SVOPL: variants seen among roughly 807,000 people sequenced by gnomAD.
SVOPL encodes the protein SVOP like, also known as putative transporter SVOPL.
SVOPL carries 60 observed loss-of-function variants against 61.0 expected under a neutral mutation model. That is an observed-to-expected ratio of 0.98 (90% CI 0.80 to 1.22). The LOEUF is 1.22. SVOPL is among the 50% of genes most tolerant of loss of function. SVOPL has a pLI of 0.00. For synonymous variants in SVOPL, 279 were observed against 250.0 expected (o/e 1.12, Z -1.09); for missense variants, 662 against 643.9 (o/e 1.03, Z -0.30).
At chr7:138,676,028 G>A (rs1038879495) in intron 3 of SVOPL, among the ~76,000 whole-genome samples, 4 of 152,104 alleles carry the variant, frequency 2.6e-5, no homozygotes, top group Non-Finnish European at 5.9e-5. Flanking sequence ...TAGAAATAGG[G>A]TTTCACTATG....
intron 9 of SVOPL, among the ~76,000 whole-genome samples, chr7:138,642,249 GAACAA>G (rs1230975364): frequency 1.4e-5 from 1 of 73,450 alleles, no homozygotes; most frequent in Non-Finnish European, 2.7e-5. Context: ...CAACAAGCTA[GAACAA>G]AAAAAGTCAA....
chr7:138,661,903 C>T, intron 5 of SVOPL: 1 of 985,412 alleles, frequency 1.0e-6, no homozygotes, highest in East Asian at 1.1e-4. Context: ...ATATTTCTGG[C>T]ATAGCTGGCA....
intron 4 of SVOPL, chr7:138,663,550 T>C: frequency 2.0e-6 from 2 of 996,616 alleles, no homozygotes; most frequent in Non-Finnish European, 2.4e-6. Flanking sequence ...CAAATAGACA[T>C]AACTTTAAAC....
chr7:138,678,212 T>C (rs984911257), intron 3 of SVOPL, among the ~76,000 whole-genome samples: 2 of 151,824 alleles, frequency 1.3e-5, no homozygotes, highest in African/African-American at 4.9e-5. Context: ...TGAATTTGAA[T>C]TGTCCCGCCT....
At chr7:138,662,898 C>T in intron 5 of SVOPL, 176 bp downstream of exon 5, 1 of 1,441,620 alleles carries the variant, frequency 6.9e-7, no homozygotes, top group Non-Finnish European at 9.1e-7. Context: ...GCACAGGTAC[C>T]CTGAGAAAAA....
chr7:138,637,550 A>C (rs1286243753), intron 9 of SVOPL, among the ~76,000 whole-genome samples: 8 of 150,532 alleles, frequency 5.3e-5, no homozygotes, highest in East Asian at 1.9e-4. Context: ...ACACACACAC[A>C]CCCCCCAGAG....
chr7:138,604,677 CA>C (rs5887890), intron 14 of SVOPL, among the ~76,000 whole-genome samples: 15,373 of 58,510 alleles, frequency 0.26, 952 homozygotes, highest in East Asian at 0.39. Flanking sequence ...AACTTTATCT[CA>C]AAAAAAAAAA....
intron 9 of SVOPL, among the ~76,000 whole-genome samples, chr7:138,640,898 C>T (rs1158903887): frequency 6.6e-6 from 1 of 152,024 alleles, no homozygotes; most frequent in Admixed American, 6.6e-5. Context: ...CACATGTACC[C>T]CCTGAATCTA....
rs1329377977 is a variant in SVOPL, at chr7:138,656,381, G to T, written c.534+67C>A. 10 of 1,484,646 alleles carry T rather than the reference G, an allele frequency of 6.7e-6. No homozygotes were observed. The Admixed American group carries it at 1.2e-4, about 18-fold the overall frequency. 92.0% of individuals were successfully genotyped at this position (1,484,646 alleles called of 1,614,324 possible). A position where few individuals can be genotyped will look rare whatever the true frequency, so the allele number is the denominator to read the frequency against. On this transcript the variant is annotated intron_variant, in intron 7 of 15. Transcript: ENST00000674285. ...GTACCAAACCAGCAGTATTTCCAAGGTATGCCTATATGTACATCTTATCCC... is the reference window on the plus strand; with the variant it reads ...GTACCAAACCAGCAGTATTTCCAAGTTATGCCTATATGTACATCTTATCCC...
At chr7:138,674,612 T>A (rs559640501) in intron 3 of SVOPL, among the ~76,000 whole-genome samples, 2 of 152,086 alleles carry the variant, frequency 1.3e-5, no homozygotes, top group East Asian at 3.9e-4. Flanking sequence ...ATCCCAGCAC[T>A]TTGGGAGGCC....
intron 3 of SVOPL, among the ~76,000 whole-genome samples, chr7:138,672,656 T>TTAAAAAAAAAAAAAAAAAAA: frequency 8.4e-6 from 1 of 118,858 alleles, no homozygotes; most frequent in Non-Finnish European, 1.7e-5. Context: ...TTTTTGTGTT[T>TTAAAAAAAAAAAAAAAAAAA]AAAAAAAAAA....
At chr7:138,625,794 A>G (rs1799864704) in intron 13 of SVOPL, among the ~76,000 whole-genome samples, 175 bp downstream of exon 13, 2 of 152,232 alleles carry the variant, frequency 1.3e-5, no homozygotes, top group African/African-American at 4.8e-5. Context: ...CTTTCAATAG[A>G]CTGAGTGGGG....
chr7:138,656,796 A>G (rs1801759223), intron 6 of SVOPL, among the ~76,000 whole-genome samples: 1 of 152,162 alleles, frequency 6.6e-6, no homozygotes, highest in African/African-American at 2.4e-5. Context: ...TAATCTCTGC[A>G]CTTTGGGAGG....
intron 3 of SVOPL, among the ~76,000 whole-genome samples, chr7:138,672,641 GTTT>G (rs11462058): frequency 9.6e-6 from 1 of 104,396 alleles, no homozygotes; most frequent in Admixed American, 9.5e-5. Context: ...GCAGGAAAGT[GTTT>G]TTTTTTGTGT....
intron 9 of SVOPL, among the ~76,000 whole-genome samples, chr7:138,637,463 T>TATATAGATATAGATATAG (rs1554463005): frequency 1.2e-3 from 22 of 19,074 alleles, no homozygotes; most frequent in African/African-American, 2.8e-3. Flanking sequence ...TAGATATATA[T>TATATAGATATAGATATAG]ATATAGATAT....
intron 13 of SVOPL, among the ~76,000 whole-genome samples, chr7:138,622,272 A>G (rs1162256050): frequency 1.6e-5 from 2 of 126,852 alleles, no homozygotes; most frequent in Admixed American, 7.5e-5. Flanking sequence ...CTATCTATGT[A>G]TCTATCTATC....
intron 13 of SVOPL, among the ~76,000 whole-genome samples, chr7:138,622,489 C>A (rs549444256): frequency 1.1e-5 from 1 of 87,156 alleles, no homozygotes; most frequent in African/African-American, 4.2e-5. Flanking sequence ...GAGGCAGCGG[C>A]GGGCGGGGGG....
chr7:138,687,399 C>T (rs1251239175), intron 1 of SVOPL, among the ~76,000 whole-genome samples: 1 of 151,464 alleles, frequency 6.6e-6, no homozygotes, highest in East Asian at 1.9e-4. Context: ...CCATGCCCAG[C>T]AAATTTTTTT....
intron 5 of SVOPL, chr7:138,661,858 A>C: frequency 2.0e-6 from 2 of 984,566 alleles, no homozygotes; most frequent in Non-Finnish European, 2.4e-6. Flanking sequence ...CTCCCTACTT[A>C]TATTAATTTC....
Sources: allele counts gnomAD v4.1 joint callset (sites outside exome capture counted in the v4.1 genomes callset), GRCh38; gene constraint gnomAD v4.1.1; transcripts MANE v1.5; gene names NCBI Gene and HGNC (gene_info 2026-07-23, HGNC 2026-07-21).